PRKDC: variants seen among roughly 807,000 people sequenced by gnomAD.
PRKDC encodes protein kinase, DNA-activated, catalytic subunit.
PRKDC carries 82 observed loss-of-function variants against 486.9 expected under a neutral mutation model. The observed-to-expected ratio is 0.17, with a 90% CI of 0.14 to 0.20. The LOEUF is 0.20. Among genes scored for constraint, PRKDC ranks in the 10% least tolerant of loss-of-function variants. PRKDC has a pLI of 1.00. For missense variants in PRKDC, 4,504 were observed against 5,038.2 expected (o/e 0.89, Z 3.21); for synonymous variants, 1,895 against 1,837.0 (o/e 1.03, Z -0.81).
rs768323141 is a variant in PRKDC at position 47,927,883 on chromosome 8, A to G, written c.2147T>C (p.Val716Ala). The G allele has an allele frequency of 6.4e-7, 1 of 1,568,962 alleles. No homozygotes were observed. The highest frequency in any genetic ancestry group is 8.6e-7 in the Non-Finnish European group (1 of 1,160,364). Reference protein sequence around the residue: ...LFVKFGKEVAVKMKQYKDELL... With the variant: ...LFVKFGKEVAAKMKQYKDELL... ...TTCATCTTTGTACTGCTTCATTTTA[A>G]CTGCCACCTTAACAAGAAAGAAGAC... The change falls in exon 20 of 86, where the codon GTT becomes GCT. Residue 716 changes from valine (V) to alanine (A), a missense_variant. By Grantham distance (64) the Val-to-Ala change is moderately conservative. This residue lies in a region of PRKDC where 1,969 missense variants were observed against 2,068.9 expected (regional missense o/e 0.95). Transcript: ENST00000314191.
chr8:47,867,210 C>G (rs569096547), intron 40 of PRKDC, among the ~76,000 whole-genome samples: 1 of 152,022 alleles, frequency 6.6e-6, no homozygotes, highest in Non-Finnish European at 1.5e-5. Flanking sequence ...GTACAAGACA[C>G]AAGTGGAAGA....
chr8:47,806,885 A>T (rs1400364218), intron 69 of PRKDC, among the ~76,000 whole-genome samples: 1 of 152,166 alleles, frequency 6.6e-6, no homozygotes, highest in African/African-American at 2.4e-5. Context: ...TCTCTGAGAC[A>T]GGCTCTCATT....
At chr8:47,821,217 G>A (rs2087587033) in intron 65 of PRKDC, among the ~76,000 whole-genome samples, 1 of 152,206 alleles carries the variant, frequency 6.6e-6, no homozygotes, top group African/African-American at 2.4e-5. Flanking sequence ...CGTACAAACT[G>A]AGGAATTTAC....
At chr8:47,918,568 AG>A (rs1198843658) in intron 21 of PRKDC, among the ~76,000 whole-genome samples, 185 bp from the exon 22 acceptor site, 1 of 152,234 alleles carries the variant, frequency 6.6e-6, no homozygotes, top group Non-Finnish European at 1.5e-5. Context: ...GTCTGCCAAA[AG>A]GAACATGGCT....
At chr8:47,857,076 G>A (rs1368393862) in intron 49 of PRKDC, 80 bp downstream of exon 49, 6 of 1,408,484 alleles carry the variant, frequency 4.3e-6, no homozygotes, top group Admixed American at 5.3e-5. Flanking sequence ...CAGTGAGAGG[G>A]ACCTGAATTA....
At chr8:47,788,299 G>A (rs1007869721) in intron 76 of PRKDC, among the ~76,000 whole-genome samples, 12 of 152,232 alleles carry the variant, frequency 7.9e-5, no homozygotes, top group Admixed American at 2.0e-4. Flanking sequence ...GAGAGAAGGA[G>A]CCAAGCAGGC....
chr8:47,859,646 C>G lies in PRKDC; in HGVS notation c.6172G>C (p.Asp2058His), dbSNP rs2088627469. 1 of 1,613,742 alleles carries G rather than the reference C, an allele frequency of 6.2e-7. No homozygotes were observed. The highest frequency in any genetic ancestry group is 1.7e-5 in the Admixed American group (1 of 59,978). ...AAACGACCAGTGGCAGGTCTAGGGT[C>G]TTGGGAGCTGTATGAATAGCTCTGA... ...GVQSYSYSSQ[D>H]PRPATGRFRR... The change falls in exon 46 of 86, where the codon GAC becomes CAC. Residue 2058 changes from aspartate to histidine, a missense_variant. Asp to His is a moderately conservative substitution (Grantham distance 81, BLOSUM62 -1). This residue lies in a region of PRKDC where 1,592 missense variants were observed against 1,724.6 expected (regional missense o/e 0.92). Coordinates refer to ENST00000314191, the MANE Select transcript of PRKDC (RefSeq NM_006904.7).
intron 30 of PRKDC, among the ~76,000 whole-genome samples, chr8:47,893,968 G>A (rs2089520312): frequency 6.6e-6 from 1 of 152,116 alleles, no homozygotes; most frequent in Admixed American, 6.5e-5. Context: ...TTCAAAACAT[G>A]TATCTCTGAT....
intron 73 of PRKDC, 54 bp downstream of exon 73, chr8:47,798,183 G>GT: frequency 1.3e-6 from 2 of 1,555,072 alleles, no homozygotes; most frequent in Non-Finnish European, 1.7e-6. Flanking sequence ...ATAAATAAGC[G>GT]TATCTTTAAG....
At position 47,860,914 on chromosome 8, in the gene PRKDC, C is replaced by G; in HGVS notation, c.6043G>C (p.Ala2015Pro). The G allele has an allele frequency of 3.1e-6, 5 of 1,608,504 alleles. No homozygotes were observed. Among genetic ancestry groups the G allele is most frequent in the Non-Finnish European group, 4.2e-6 (5 of 1,177,490 alleles). The change falls in exon 45 of 86, where the codon GCA becomes CCA. Residue 2015 changes from alanine to proline, a missense_variant. Physicochemically the swap from Ala to Pro is conservative, Grantham distance 27 (BLOSUM62 -1). This residue lies in a region of PRKDC where 1,592 missense variants were observed against 1,724.6 expected (regional missense o/e 0.92). Coordinates refer to ENST00000314191, the MANE Select transcript of PRKDC (RefSeq NM_006904.7). ...IEIRKEAREA[A>P]NGDSDGPSYM... ...AACATCCTACCTGAATCCCCATTTG[C>G]TGCTTCTCTGGCTTCTTTCCTAATT... is the stretch of plus-strand genomic sequence containing the variant.
rs1428352173 is a variant in PRKDC at position 47,951,023 on chromosome 8, G to C, written c.721+2597C>G. 4.6e-5 allele frequency among the ~76,000 whole-genome samples: 7 copies of C among 152,072 alleles called. No individual in the cohort carries two copies. In the East Asian group the frequency reaches 1.3e-3, roughly 29 times the overall value. ...AAAAACTGAACTTTAGCAAAACAAG[G>C]GATTTTTGTGTACCAAAGGACATAA... On this transcript the variant is annotated intron_variant, in intron 7 of 85. Transcript: ENST00000314191.
At chr8:47,859,045 A>G (rs2088614088) in intron 46 of PRKDC, 59 bp from the exon 47 acceptor site, 1 of 1,585,912 alleles carries the variant, frequency 6.3e-7, no homozygotes, top group Admixed American at 1.7e-5. Context: ...TGGACAAGGC[A>G]GTGGATGTGG....
rs570798594 is a variant in PRKDC at position 47,908,852 on chromosome 8, G to A, written c.2934+3558C>T. 8.5e-5 allele frequency among the ~76,000 whole-genome samples: 13 copies of A among 152,212 alleles called. No individual in the cohort carries two copies. In the South Asian group the frequency reaches 2.3e-3, roughly 27 times the overall value. ...TTTTTCTGTAATTTATTTATAGTTCGTTTTTCCTTCTAAATCTTATTGATT... is the reference window on the plus strand; with the variant it reads ...TTTTTCTGTAATTTATTTATAGTTCATTTTTCCTTCTAAATCTTATTGATT... On this transcript the variant is annotated intron_variant, in intron 25 of 85. Coordinates refer to ENST00000314191, the MANE Select transcript of PRKDC (RefSeq NM_006904.7).
chr8:47,849,445 G>C lies in PRKDC; in HGVS notation c.7064C>G (p.Thr2355Ser). Residue 2355 changes from threonine to serine, a missense_variant, in exon 53 of 86, where the codon ACT becomes AGT. This residue lies in a region of PRKDC where 1,592 missense variants were observed against 1,724.6 expected (regional missense o/e 0.92). Transcript: ENST00000314191. ...GCACACAATAAACTTGTCCTCCATA[G>C]TATTCTGATGTTGCTTCAATTGTTT... ...VAKQLKQHQNTMEDKFIVCLN... is the reference protein window; with the variant it reads ...VAKQLKQHQNSMEDKFIVCLN... 1.2e-6 allele frequency: 2 copies of C among 1,614,002 alleles called. No individual in the cohort carries two copies. Among genetic ancestry groups the C allele is most frequent in the Non-Finnish European group, 1.7e-6 (2 of 1,179,902 alleles).
intron 7 of PRKDC, among the ~76,000 whole-genome samples, chr8:47,951,336 G>GGGCAA (rs1358805259): frequency 6.6e-6 from 1 of 152,002 alleles, no homozygotes; most frequent in Non-Finnish European, 1.5e-5. Flanking sequence ...ACTCCAGCCT[G>GGGCAA]GGCAACAGAG....
At chr8:47,810,198 A>T (rs2087298960) in intron 68 of PRKDC, among the ~76,000 whole-genome samples, 3 of 152,208 alleles carry the variant, frequency 2.0e-5, no homozygotes, top group African/African-American at 7.2e-5. Flanking sequence ...TCTACACAAG[A>T]GAATCCAGTA....
chr8:47,933,218 TG>T, intron 15 of PRKDC, 46 bp from the exon 16 acceptor site: 1 of 1,387,908 alleles, frequency 7.2e-7, no homozygotes. Flanking sequence ...TGTGCAAAAA[TG>T]TATTAGTATT....
chr8:47,790,980 G>A (rs981755475), intron 74 of PRKDC, among the ~76,000 whole-genome samples: 9 of 151,998 alleles, frequency 5.9e-5, no homozygotes, highest in South Asian at 2.1e-4. Flanking sequence ...ACAAAAACAG[G>A]AAACTCTCCA....
chr8:47,826,512 G>C (rs1243328467), intron 63 of PRKDC, 144 bp downstream of exon 63: 1 of 830,512 alleles, frequency 1.2e-6, no homozygotes, highest in African/African-American at 1.7e-5. Context: ...ATGGTACTCA[G>C]CCTGAAAGAC....
Sources: gnomAD v4.1 joint callset for allele counts (sites outside exome capture counted in the v4.1 genomes callset) on GRCh38, gnomAD v4.1.1 for gene constraint, gnomAD v4.1.1 regional missense constraint, MANE v1.5 for transcripts, NCBI Gene and HGNC (gene_info 2026-07-23, HGNC 2026-07-21) for gene names.